Variants in SF3A1 observed in about 807,000 individuals in gnomAD.
SF3A1 encodes the protein SAP 114.
A neutral mutation model predicts 89.9 loss-of-function variants in SF3A1; 13 were observed. The observed-to-expected ratio is 0.14, with a 90% CI of 0.09 to 0.23. SF3A1 has a LOEUF of 0.23. Ranked by LOEUF, SF3A1 falls within the 10% of genes least tolerant of loss-of-function variation. The pLI is 1.00. For synonymous variants in SF3A1, 405 were observed against 374.4 expected, an observed-to-expected ratio of 1.08 and a Z score of -0.94; for missense variants, 604 against 1,022.1, an observed-to-expected ratio of 0.59 and a Z score of 5.58.
rs765594577 is a variant in SF3A1, at chr22:30,339,001, G to A, written c.1531C>T (p.Arg511Trp). ...TWDGHSGSMARTQQAAQANIT... is the reference protein window; with the variant it reads ...TWDGHSGSMAWTQQAAQANIT... ...TTGGCCTGGGCAGCCTGCTGGGTCCGGGCCATGCTGCCTGAGTGGCCATCC... is the reference window on the plus strand; with the variant it reads ...TTGGCCTGGGCAGCCTGCTGGGTCCAGGCCATGCTGCCTGAGTGGCCATCC... The change falls in exon 11 of 16, where the codon CGG (arginine) becomes TGG (tryptophan). Residue 511 changes from arginine to tryptophan, a missense_variant. Transcript: ENST00000215793. 1.2e-6 allele frequency: 2 copies of A among 1,614,040 alleles called. No individual in the cohort carries two copies. Among genetic ancestry groups the A allele is most frequent in the Non-Finnish European group, 1.7e-6 (2 of 1,180,042 alleles).
intron 11 of SF3A1, among the ~76,000 whole-genome samples, chr22:30,338,536 A>G (rs925663756): frequency 2.0e-5 from 3 of 151,522 alleles, no homozygotes. Flanking sequence ...AAGACCCAAT[A>G]AGCCCTGCAG....
intron 3 of SF3A1, 54 bp from the exon 4 acceptor site, chr22:30,345,244 G>A (rs963380155): frequency 6.6e-6 from 6 of 910,930 alleles, no homozygotes; most frequent in Non-Finnish European, 9.6e-6. Context: ...CAGGCTCCAG[G>A]GGAGGGGAGG....
chr22:30,343,679 AGTGATCT>A (rs1931333447), intron 4 of SF3A1, among the ~76,000 whole-genome samples: 1 of 152,254 alleles, frequency 6.6e-6, no homozygotes, highest in South Asian at 2.1e-4. Context: ...CAGAATAAAA[AGTGATCT>A]GGGACCTTTA....
chr22:30,352,839 G>T, intron 2 of SF3A1, 112 bp downstream of exon 2: 3 of 1,357,530 alleles, frequency 2.2e-6, no homozygotes, highest in Non-Finnish European at 3.0e-6. Context: ...GGTTTTTTAT[G>T]AACTAAAAGG....
chr22:30,332,895 A>G lies in SF3A1; in HGVS notation c.*1699T>C, dbSNP rs5753073. 30,670 of 152,224 alleles carry G rather than the reference A, an allele frequency of 0.2. 3,355 individuals are homozygous for G. Among genetic ancestry groups the G allele is most frequent in the Middle Eastern group, 0.35 (104 of 294 alleles). 9.4% of individuals were successfully genotyped at this position (152,224 alleles called of 1,614,324 possible). On this transcript the variant is annotated 3_prime_UTR_variant, in exon 16 of 16. Transcript: ENST00000215793. ...GCCAGTCTGTGGGGGTGAGTGCCCTAACACCATGAACTGCCCACTGCTCCC... is the reference window on the plus strand; with the variant it reads ...GCCAGTCTGTGGGGGTGAGTGCCCTGACACCATGAACTGCCCACTGCTCCC...
At position 30,346,304 on chromosome 22, in the gene SF3A1, C is replaced by T. The variant is rs778141597; in HGVS notation, c.393+8G>A. 1.3e-6 allele frequency: 2 copies of T among 1,589,002 alleles called. No individual in the cohort carries two copies. On this transcript the variant is annotated splice_region_variant and intron_variant, in intron 3 of 15. Transcript: ENST00000215793. Reference sequence around the variant, plus strand: ...CTGCGTAAGTGAAGGGGGCACTGGGCTCCAAACCTTCTGGGGCAGCTGCTG... The same window carrying T: ...CTGCGTAAGTGAAGGGGGCACTGGGTTCCAAACCTTCTGGGGCAGCTGCTG...
intron 2 of SF3A1, among the ~76,000 whole-genome samples, chr22:30,349,802 C>T (rs1303458643): frequency 1.3e-5 from 2 of 151,746 alleles, no homozygotes; most frequent in African/African-American, 4.8e-5. Context: ...CGCCACCATG[C>T]CCAGCTAATT....
At position 30,338,829 on chromosome 22, in the gene SF3A1, C is replaced by T; in HGVS notation, c.1703G>A (p.Ser568Asn). Residue 568 changes from serine to asparagine, a missense_variant, in exon 11 of 16, where the codon AGC becomes AAC. Transcript: ENST00000215793. ...CACTGAAGTGATGGGTGGAGCCGAGCTGGGGATGTTGGTGGCTGAAGATGG... is the reference window on the plus strand; with the variant it reads ...CACTGAAGTGATGGGTGGAGCCGAGTTGGGGATGTTGGTGGCTGAAGATGG... ...PPPSSATNIP[S>N]SAPPITSVPR... is the part of the protein sequence containing the mutation. 1 of 1,614,096 alleles carries T rather than the reference C, an allele frequency of 6.2e-7. No homozygotes were observed. The highest frequency in any genetic ancestry group is 8.5e-7 in the Non-Finnish European group (1 of 1,179,988).
chr22:30,355,704 T>C (rs1187868244), intron 1 of SF3A1, among the ~76,000 whole-genome samples: 4 of 152,128 alleles, frequency 2.6e-5, no homozygotes, highest in Non-Finnish European at 2.9e-5. Flanking sequence ...CTCGGTGTCT[T>C]TGCGCATATT....
intron 2 of SF3A1, among the ~76,000 whole-genome samples, chr22:30,347,970 T>C (rs908300201): frequency 6.6e-6 from 1 of 152,158 alleles, no homozygotes; most frequent in Non-Finnish European, 1.5e-5. Context: ...GCCTCCTGAG[T>C]AGCTGGGACT....
intron 15 of SF3A1, among the ~76,000 whole-genome samples, chr22:30,334,982 C>G (rs1187162781): frequency 6.6e-6 from 1 of 152,202 alleles, no homozygotes; most frequent in Non-Finnish European, 1.5e-5. Context: ...AATCACAAGA[C>G]CTTTAGGGAT....
intron 2 of SF3A1, among the ~76,000 whole-genome samples, chr22:30,351,317 A>T (rs1284535207): frequency 1.3e-5 from 2 of 151,930 alleles, no homozygotes; most frequent in East Asian, 1.9e-4. Context: ...AAAAAAAAAG[A>T]AAGTCTAACC....
chr22:30,346,653 C>T (rs77051699), intron 2 of SF3A1, 134 bp from the exon 3 acceptor site: 69,413 of 915,118 alleles, frequency 0.076, 3,129 homozygotes, highest in Non-Finnish European at 0.092. Context: ...AGACGTCCTC[C>T]TCTAGCTTCC....
Position 30,340,790 on chromosome 22 carries a change from CCTTCTT to C in SF3A1, c.1088_1093del (p.Glu363_Glu364del). 5 of 1,591,724 alleles carry C rather than the reference CCTTCTT, an allele frequency of 3.1e-6. No homozygotes were observed. The highest frequency in any genetic ancestry group is 4.3e-6 in the Non-Finnish European group (5 of 1,168,176). ...CTCTGGGGGTGGGGGCACTTTCTGC[CCTTCTT>C]CTTCATCATCTGAACCCTGAAAAGC... On this transcript the variant is annotated inframe_deletion, in exon 8 of 16. Coordinates refer to ENST00000215793, the MANE Select transcript of SF3A1 (RefSeq NM_005877.6).
At chr22:30,341,910 G>A (rs752220770) in intron 6 of SF3A1, 25 bp from the exon 7 acceptor site, 3 of 1,601,244 alleles carry the variant, frequency 1.9e-6, no homozygotes, top group South Asian at 1.1e-5. Flanking sequence ...AGAGGCAAAG[G>A]TATTCCTTAT....
rs895775504 is a variant in SF3A1 at position 30,346,093 on chromosome 22, G to C, written c.393+219C>G. 8.9e-6 allele frequency: 5 copies of C among 564,902 alleles called. No homozygotes were observed. The African/African-American group carries it at 9.4e-5, about 11-fold the overall frequency. The allele number at this position is 564,902 out of a possible 1,614,324, so 35.0% of individuals were successfully genotyped here. ...GAGGAGTCAATGAGACAAGACTCCT[G>C]AAGTACCAAGCACAGAGCTTGACAA... On this transcript the variant is annotated intron_variant, in intron 3 of 15. Transcript: ENST00000215793.
rs1198565106 is a variant in SF3A1 at position 30,338,831 on chromosome 22, G to A, written c.1701C>T (p.Pro567=). 1 of 1,614,018 alleles carries A rather than the reference G, an allele frequency of 6.2e-7. No homozygotes were observed. Among genetic ancestry groups the A allele is most frequent in the Non-Finnish European group, 8.5e-7 (1 of 1,179,982 alleles). The change falls in exon 11 of 16, where the codon CCC becomes CCT. Residue 567 remains proline, a synonymous_variant. Transcript: ENST00000215793. ...CTGAAGTGATGGGTGGAGCCGAGCT[G>A]GGGATGTTGGTGGCTGAAGATGGTG... is the stretch of plus-strand genomic sequence containing the variant. ...PPPPSSATNI[P]SSAPPITSVP... is the part of the protein sequence containing the mutation.
chr22:30,355,815 T>TCCCC lies in SF3A1; in HGVS notation c.63+911_63+914dup, dbSNP rs11451197. On this transcript the variant is annotated intron_variant, in intron 1 of 15. Coordinates refer to ENST00000215793, the MANE Select transcript of SF3A1 (RefSeq NM_005877.6). Reference sequence around the variant, plus strand: ...AAAGGCATGGCTTCTTCAGTCATGTTCCCCCCCCCCGCCCCCCTTATTCTG... The same window carrying TCCCC: ...AAAGGCATGGCTTCTTCAGTCATGTTCCCCCCCCCCCCCCGCCCCCCTTATTCTG... 5.6e-3 allele frequency among the ~76,000 whole-genome samples: 519 copies of TCCCC among 92,224 alleles called. 2 individuals carry two copies. The highest frequency in any genetic ancestry group is 0.015 in the African/African-American group (323 of 22,042). The allele number at this position is 92,224 out of a possible 152,430, so 60.5% of individuals were successfully genotyped here. A position where few individuals can be genotyped will look rare whatever the true frequency, so the allele number is the denominator to read the frequency against.
In SF3A1 at chr22:30,343,080, C is replaced by T. The variant is rs141641409; in HGVS notation, c.652-201G>A. Among the ~76,000 whole-genome samples, 10 of 152,126 alleles carry T rather than the reference C, an allele frequency of 6.6e-5. No homozygotes were observed. In the East Asian group the frequency reaches 1.9e-3, roughly 30 times the overall value. On this transcript the variant is annotated intron_variant, in intron 4 of 15. Coordinates refer to ENST00000215793, the MANE Select transcript of SF3A1 (RefSeq NM_005877.6). The stretch of plus-strand genomic sequence containing the variant: ...ATTTCCTTCTCCAAAATAATGGCAC[C>T]ACCACTCAAAGTTGGCACCATGAAC...
Sources: allele counts gnomAD v4.1 joint callset (sites outside exome capture counted in the v4.1 genomes callset), GRCh38; gene constraint gnomAD v4.1.1; transcripts MANE v1.5; gene names NCBI Gene and HGNC (gene_info 2026-07-23, HGNC 2026-07-21).